The following EFTUD2 variants were observed in gnomAD, a reference collection of about 807,000 sequenced individuals.
The protein encoded by EFTUD2 is elongation factor Tu GTP binding domain containing 2.
In EFTUD2, 9 loss-of-function variants were observed where a neutral mutation model predicts 114.3. The observed-to-expected ratio is 0.08, with a 90% CI of 0.05 to 0.14. The LOEUF (loss-of-function observed/expected upper bound fraction) is 0.14, where lower values mean the gene tolerates loss of function less well. EFTUD2 is among the 10% of genes least tolerant of loss of function. The probability of loss-of-function intolerance (pLI) is 1.00; values close to 1 mark genes in which losing one functional copy is unlikely to be tolerated. For synonymous variants in EFTUD2, 449 were observed against 462.3 expected, an observed-to-expected ratio of 0.97 and a Z score of 0.37; for missense variants, 765 against 1,241.2, an observed-to-expected ratio of 0.62 and a Z score of 5.76.
chr17:44,859,524 T>C (rs2050617412), intron 18 of EFTUD2: 1 of 504,056 alleles, frequency 2.0e-6, no homozygotes, highest in African/African-American at 1.9e-5. Context: ...GCTCATAGTG[T>C]ACAAGGATCA....
At chr17:44,897,787 ACT>A (rs1011101764) in intron 1 of EFTUD2, among the ~76,000 whole-genome samples, 30 of 152,058 alleles carry the variant, frequency 2.0e-4, no homozygotes, top group African/African-American at 7.0e-4. Context: ...GCAGTCTCGA[ACT>A]CTTGACCTCA....
chr17:44,883,028 G>A (rs557920219), intron 6 of EFTUD2, 65 bp downstream of exon 6: 2 of 1,498,102 alleles, frequency 1.3e-6, no homozygotes, highest in African/African-American at 1.4e-5. Flanking sequence ...GAAGGAAGGA[G>A]GAGAGAGACA....
At position 44,880,605 on chromosome 17, in the gene EFTUD2, A is replaced by C; in HGVS notation, c.568T>G (p.Leu190Val). The change falls in exon 8 of 28, where the codon TTG becomes GTG. Residue 190 changes from leucine to valine, a missense_variant. Transcript: ENST00000426333. ...TAAGATTTTCCTTTGGTGTCTGGCA[A>C]GACCACTGTCACAGGAGTGCTTTTG... Reference protein sequence around the residue: ...GIKSTPVTVVLPDTKGKSYLF... With the variant: ...GIKSTPVTVVVPDTKGKSYLF... The C allele has an allele frequency of 6.2e-7, 1 of 1,613,840 alleles. No individual in the cohort carries two copies. Among genetic ancestry groups the C allele is most frequent in the Non-Finnish European group, 8.5e-7 (1 of 1,179,756 alleles).
At chr17:44,868,518 A>C in intron 11 of EFTUD2, 168 bp from the exon 12 acceptor site, 1 of 619,302 alleles carries the variant, frequency 1.6e-6, no homozygotes, top group Middle Eastern at 2.6e-4. Context: ...AGGCACAAAG[A>C]AGGACAAGAC....
chr17:44,871,508 T>G lies in EFTUD2; in HGVS notation c.994+938A>C, dbSNP rs540113752. Among the ~76,000 whole-genome samples, 3 of 151,780 alleles carry G rather than the reference T, an allele frequency of 2.0e-5. No individual in the cohort carries two copies. The East Asian group carries it at 5.8e-4, about 29-fold the overall frequency. On this transcript the variant is annotated intron_variant, in intron 11 of 27. Coordinates refer to ENST00000426333, the MANE Select transcript of EFTUD2 (RefSeq NM_004247.4). ...TGCCCGCCACCACGCCTGGCTAATT[T>G]TTTTGCATTTTTAGTAGAGACGGGA...
chr17:44,851,549 G>A (rs1470785103), intron 27 of EFTUD2, among the ~76,000 whole-genome samples, 161 bp downstream of exon 27: 1 of 152,194 alleles, frequency 6.6e-6, no homozygotes, highest in Non-Finnish European at 1.5e-5. Context: ...CTTTCCCAAC[G>A]AGACTGGGGC....
intron 1 of EFTUD2, among the ~76,000 whole-genome samples, chr17:44,898,251 C>G (rs1304108454): frequency 6.6e-6 from 1 of 152,012 alleles, no homozygotes; most frequent in Non-Finnish European, 1.5e-5. Context: ...GAGTTTTGCT[C>G]TTGTTGCCCA....
Position 44,872,751 on chromosome 17 carries a change from A to G in EFTUD2, c.870-181T>C, listed in dbSNP as rs570091398. ...AGTGACATGATGGAGCTGTTCCCCT[A>G]ATTCCCAATAACAAGTTGATTTCCC... On this transcript the variant is annotated intron_variant, in intron 10 of 27. Coordinates refer to ENST00000426333, the MANE Select transcript of EFTUD2 (RefSeq NM_004247.4). 84 of 538,346 alleles carry G rather than the reference A, an allele frequency of 1.6e-4. No individual in the cohort carries two copies. The Middle Eastern group carries it at 4.3e-3, about 28-fold the overall frequency. The allele number at this position is 538,346 out of a possible 1,614,324, so 33.3% of individuals were successfully genotyped here.
chr17:44,871,950 G>A (rs1051265159), intron 11 of EFTUD2, among the ~76,000 whole-genome samples: 9 of 152,238 alleles, frequency 5.9e-5, no homozygotes, highest in African/African-American at 2.2e-4. Context: ...CTGGTCTCAA[G>A]GATCTGGTGT....
rs914362502 is a variant in EFTUD2, at chr17:44,850,013, A to C, written c.*1261T>G. ...ACTTGCTAACTGTGTGACAGTGGAC[A>C]AATCTTTCTCACTGAGCCTCAGTTT... On this transcript the variant is annotated 3_prime_UTR_variant, in exon 28 of 28. Transcript: ENST00000426333. The C allele has an allele frequency of 1.1e-5, 3 of 273,384 alleles. No homozygotes were observed. The highest frequency in any genetic ancestry group is 6.4e-5 in the African/African-American group (3 of 47,040). 16.9% of individuals were successfully genotyped at this position (273,384 alleles called of 1,614,324 possible).
At chr17:44,860,085 G>A (rs780071923) in intron 17 of EFTUD2, 40 bp from the exon 18 acceptor site, 78 of 1,613,932 alleles carry the variant, frequency 4.8e-5, no homozygotes, top group East Asian at 1.1e-4. Flanking sequence ...CAACTGGCAT[G>A]AGCAGGCACA....
intron 20 of EFTUD2, among the ~76,000 whole-genome samples, chr17:44,855,268 C>G (rs950695300): frequency 1.3e-5 from 2 of 151,966 alleles, no homozygotes; most frequent in Non-Finnish European, 2.9e-5. Context: ...CATACTGCCT[C>G]TTAAAAACAA....
intron 2 of EFTUD2, among the ~76,000 whole-genome samples, chr17:44,892,574 G>C (rs752743894): frequency 1.4e-5 from 2 of 147,008 alleles, no homozygotes; most frequent in East Asian, 4.2e-4. Context: ...AACATGGTTT[G>C]AATGAGAATG....
At chr17:44,875,841 G>A in intron 10 of EFTUD2, 93 bp downstream of exon 10, 7 of 1,494,984 alleles carry the variant, frequency 4.7e-6, no homozygotes, top group East Asian at 2.3e-5. Context: ...ATCAACACAC[G>A]CTTAGAAATA....
At chr17:44,858,409 T>G (rs1309157858) in intron 19 of EFTUD2, among the ~76,000 whole-genome samples, 6 of 151,988 alleles carry the variant, frequency 3.9e-5, no homozygotes, top group Admixed American at 3.9e-4. Flanking sequence ...CTAATTTTTA[T>G]TTTTTAGTTT....
intron 1 of EFTUD2, among the ~76,000 whole-genome samples, chr17:44,895,407 A>G (rs940211037): frequency 3.3e-5 from 5 of 151,862 alleles, no homozygotes; most frequent in African/African-American, 1.2e-4. Flanking sequence ...GATATAGGAG[A>G]ATCCCTTGAA....
At chr17:44,872,877 T>C (rs2050880476) in intron 10 of EFTUD2, 2 of 169,516 alleles carry the variant, frequency 1.2e-5, no homozygotes, top group East Asian at 1.7e-4. Flanking sequence ...ACACAGGAAA[T>C]GAATCTAATG....
intron 14 of EFTUD2, 103 bp from the exon 15 acceptor site, chr17:44,863,885 A>G (rs1200099483): frequency 4.1e-5 from 60 of 1,466,852 alleles, no homozygotes; most frequent in Non-Finnish European, 3.9e-5. Flanking sequence ...AAGTGCGGGG[A>G]CTGATTGTTA....
intron 11 of EFTUD2, 140 bp downstream of exon 11, chr17:44,872,306 C>A: frequency 3.5e-6 from 4 of 1,139,690 alleles, no homozygotes; most frequent in Non-Finnish European, 5.0e-6. Flanking sequence ...GCCACAAAGA[C>A]CCCCAAATGT....
Sources: gnomAD v4.1 joint callset for allele counts (sites outside exome capture counted in the v4.1 genomes callset) on GRCh38, gnomAD v4.1.1 for gene constraint, MANE v1.5 for transcripts, NCBI Gene and HGNC (gene_info 2026-07-23, HGNC 2026-07-21) for gene names.